The following RBMS3 variants were observed in gnomAD, a reference collection of about 807,000 sequenced individuals.
RBMS3 encodes the protein RNA-binding motif, single-stranded-interacting protein 3.
RBMS3 carries 27 observed loss-of-function variants against 66.8 expected under a neutral mutation model. The observed-to-expected ratio is 0.40, with a 90% CI of 0.30 to 0.56. The LOEUF is 0.56. RBMS3 is among the 20% of genes least tolerant of loss of function. RBMS3 has a pLI of 0.40. For missense variants in RBMS3, 513 were observed against 549.5 expected, an observed-to-expected ratio of 0.93 and a Z score of 0.66; for synonymous variants, 188 against 183.0, an observed-to-expected ratio of 1.03 and a Z score of -0.22.
chr3:30,003,731 C>A (rs1699715142), intron 14 of RBMS3, 125 bp from the exon 15 acceptor site: 2 of 573,080 alleles, frequency 3.5e-6, no homozygotes, highest in African/African-American at 1.9e-5. Context: ...TTTTATGATG[C>A]TTTTGTGACT....
At chr3:29,994,221 C>G (rs563471028) in intron 14 of RBMS3, among the ~76,000 whole-genome samples, 1 of 152,194 alleles carries the variant, frequency 6.6e-6, no homozygotes, top group African/African-American at 2.4e-5. Flanking sequence ...ACTTTTCCCA[C>G]GGGCTTAAAA....
Position 30,007,203 on chromosome 3 carries a change from A to G in RBMS3, c.*3341A>G, listed in dbSNP as rs1478228779. The G allele has an allele frequency of 6.6e-6, 1 of 152,110 alleles. No individual in the cohort carries two copies. Among genetic ancestry groups the G allele is most frequent in the Admixed American group, 6.6e-5 (1 of 15,262 alleles). 9.4% of individuals were successfully genotyped at this position (152,110 alleles called of 1,614,324 possible). ...GGTAATAAACCAAAATAAGTTTTCA[A>G]TATATACAGACAACAGAATTCAAAT... On this transcript the variant is annotated 3_prime_UTR_variant, in exon 15 of 15. Coordinates refer to ENST00000383767, the MANE Select transcript of RBMS3 (RefSeq NM_001003793.3).
At chr3:29,857,045 G>T (rs1314546224) in intron 6 of RBMS3, among the ~76,000 whole-genome samples, 2 of 152,102 alleles carry the variant, frequency 1.3e-5, no homozygotes, top group Admixed American at 6.5e-5. Flanking sequence ...TTTACCTACT[G>T]AAAGCAAGGT....
intron 10 of RBMS3, among the ~76,000 whole-genome samples, chr3:29,921,662 T>C (rs1267297631): frequency 6.6e-6 from 1 of 152,076 alleles, no homozygotes; most frequent in Non-Finnish European, 1.5e-5. Flanking sequence ...ATTACCGAAA[T>C]GTAATTATAG....
At chr3:29,425,189 C>A (rs1448188771) in intron 1 of RBMS3, among the ~76,000 whole-genome samples, 15 of 114,616 alleles carry the variant, frequency 1.3e-4, no homozygotes, top group South Asian at 2.9e-4. Flanking sequence ...TAAAAAATAC[C>A]AAAAAAAAAA....
rs2045700761 is a variant in RBMS3, at chr3:29,540,021, T to G, written c.308-47093T>G. 3.3e-5 allele frequency among the ~76,000 whole-genome samples: 5 copies of G among 152,178 alleles called. No individual in the cohort carries two copies. The South Asian group carries it at 1.0e-3, about 31-fold the overall frequency. ...TGCCTCTTGGTAATATTCTGTTGCT[T>G]TTTTACTGGGTTTCATTCACGGTAA... On this transcript the variant is annotated intron_variant, in intron 3 of 14. Coordinates refer to ENST00000383767, the MANE Select transcript of RBMS3 (RefSeq NM_001003793.3).
rs10596526 is a variant in RBMS3, at chr3:29,990,460, CAAAAAAAA to C, written c.1180-606_1180-599del. Among the ~76,000 whole-genome samples the C allele has an allele frequency of 2.3e-3, 247 of 106,508 alleles. No individual in the cohort carries two copies. The East Asian group carries it at 0.038, about 16-fold the overall frequency. The allele number at this position is 106,508 out of a possible 152,430, so 69.9% of individuals were successfully genotyped here. On this transcript the variant is annotated intron_variant, in intron 13 of 14. Transcript: ENST00000383767. The stretch of plus-strand genomic sequence containing the variant: ...CACTCTTGCCAGCATCTGTGAGAAA[CAAAAAAAA>C]AAAAAAAAAAAAAAATAGGGTGAAG...
At chr3:29,579,290 A>G (rs2047240929) in intron 3 of RBMS3, among the ~76,000 whole-genome samples, 4 of 152,324 alleles carry the variant, frequency 2.6e-5, no homozygotes, top group Middle Eastern at 3.4e-3. Flanking sequence ...GATGAGTACA[A>G]GCATGCTTCC....
At chr3:29,419,783 T>C (rs1399901744) in intron 1 of RBMS3, among the ~76,000 whole-genome samples, 1 of 152,210 alleles carries the variant, frequency 6.6e-6, no homozygotes, top group African/African-American at 2.4e-5. Context: ...AGTTTGTGTG[T>C]AAATTAATAT....
chr3:29,481,491 G>T (rs2125819652), intron 2 of RBMS3, among the ~76,000 whole-genome samples: 1 of 152,270 alleles, frequency 6.6e-6, no homozygotes, highest in African/African-American at 2.4e-5. Context: ...GGCTTTCTTG[G>T]GTGATGGCCA....
intron 6 of RBMS3, among the ~76,000 whole-genome samples, chr3:29,860,446 G>A (rs558178766): frequency 6.6e-6 from 1 of 152,264 alleles, no homozygotes; most frequent in East Asian, 1.9e-4. Context: ...GGTGGGAGGT[G>A]GGGCATATAT....
chr3:29,363,841 C>T (rs2037749038), intron 1 of RBMS3, among the ~76,000 whole-genome samples: 1 of 147,986 alleles, frequency 6.8e-6, no homozygotes, highest in African/African-American at 2.5e-5. Context: ...CAGTTAAAAA[C>T]AGCAAATATT....
intron 4 of RBMS3, among the ~76,000 whole-genome samples, chr3:29,627,179 G>A (rs558937188): frequency 2.6e-5 from 4 of 152,180 alleles, no homozygotes; most frequent in African/African-American, 7.2e-5. Flanking sequence ...GCAGCAATTG[G>A]CATTAAAGTG....
chr3:29,361,158 T>C (rs1345849415), intron 1 of RBMS3, among the ~76,000 whole-genome samples: 1 of 152,108 alleles, frequency 6.6e-6, no homozygotes. Context: ...GTCTTTACAA[T>C]TTAGCATGTT....
At chr3:29,553,048 A>G (rs1220832655) in intron 3 of RBMS3, among the ~76,000 whole-genome samples, 2 of 152,180 alleles carry the variant, frequency 1.3e-5, no homozygotes, top group East Asian at 3.9e-4. Flanking sequence ...TCAGCCTCAT[A>G]GGCAGTTTTG....
At chr3:29,282,716 G>A (rs925492144) in intron 1 of RBMS3, among the ~76,000 whole-genome samples, 2 of 152,074 alleles carry the variant, frequency 1.3e-5, no homozygotes, top group African/African-American at 2.4e-5. Flanking sequence ...GCATTAGCCA[G>A]ACTCCACCGT....
At chr3:29,618,950 G>C (rs1455740790) in intron 4 of RBMS3, among the ~76,000 whole-genome samples, 3 of 152,168 alleles carry the variant, frequency 2.0e-5, no homozygotes, top group Non-Finnish European at 4.4e-5. Context: ...AAAGTAGGTA[G>C]GGAAAGAATT....
intron 1 of RBMS3, among the ~76,000 whole-genome samples, chr3:29,287,702 AAATT>A (rs1183578285): frequency 6.6e-6 from 1 of 152,022 alleles, no homozygotes; most frequent in Non-Finnish European, 1.5e-5. Context: ...TTGTTAATAA[AAATT>A]AATAACCTCT....
chr3:29,750,677 A>AT (rs763718180), intron 5 of RBMS3, among the ~76,000 whole-genome samples: 3 of 152,070 alleles, frequency 2.0e-5, no homozygotes, highest in East Asian at 3.9e-4. Context: ...CCCATTAGTT[A>AT]TTTTTCTGAT....
Sources: gnomAD v4.1 joint callset for allele counts (sites outside exome capture counted in the v4.1 genomes callset) on GRCh38, gnomAD v4.1.1 for gene constraint, MANE v1.5 for transcripts, NCBI Gene and HGNC (gene_info 2026-07-23, HGNC 2026-07-21) for gene names.